Variants in CNTNAP2 observed in about 807,000 individuals in gnomAD.
The protein encoded by CNTNAP2 is contactin-associated protein-like 2.
A neutral mutation model predicts 155.2 loss-of-function variants in CNTNAP2; 98 were observed. That is an observed-to-expected ratio of 0.63 (90% CI 0.54 to 0.75). The LOEUF is 0.75. CNTNAP2 is among the 30% of genes least tolerant of loss of function. CNTNAP2 has a pLI of 0.00. For synonymous variants in CNTNAP2, 651 were observed against 631.2 expected (o/e 1.03, Z -0.47); for missense variants, 1,727 against 1,688.1 (o/e 1.02, Z -0.40).
chr7:148,346,890 G>A (rs1251100517), intron 21 of CNTNAP2, among the ~76,000 whole-genome samples: 1 of 151,706 alleles, frequency 6.6e-6, no homozygotes, highest in Admixed American at 6.6e-5. Context: ...TACAGGTTTC[G>A]GGTTTCACAG....
At chr7:148,294,821 C>CAT (rs1252694097) in intron 21 of CNTNAP2, among the ~76,000 whole-genome samples, 3 of 152,144 alleles carry the variant, frequency 2.0e-5, no homozygotes, top group Admixed American at 6.5e-5. Flanking sequence ...CAAAAATAAA[C>CAT]ATATATATAT....
At chr7:146,766,494 C>T (rs1286719711) in intron 1 of CNTNAP2, among the ~76,000 whole-genome samples, 6 of 152,022 alleles carry the variant, frequency 3.9e-5, no homozygotes, top group Non-Finnish European at 8.8e-5. Context: ...ATGATTTTAC[C>T]TGAAGTCACT....
chr7:147,516,848 C>CTTTTTTTTTTTTTTTT (rs1221666617), intron 11 of CNTNAP2, among the ~76,000 whole-genome samples: 1 of 112,620 alleles, frequency 8.9e-6, no homozygotes, highest in Non-Finnish European at 1.8e-5. Context: ...TCTTTCTTTT[C>CTTTTTTTTTTTTTTTT]TTTTTTTTTT....
intron 2 of CNTNAP2, among the ~76,000 whole-genome samples, chr7:146,788,126 G>A (rs1379486607): frequency 6.6e-6 from 1 of 152,202 alleles, no homozygotes; most frequent in Non-Finnish European, 1.5e-5. Flanking sequence ...GCAGCCCAGA[G>A]GGAGCTTGTC....
intron 21 of CNTNAP2, among the ~76,000 whole-genome samples, chr7:148,320,552 T>A (rs1797773207): frequency 6.6e-6 from 1 of 151,680 alleles, no homozygotes; most frequent in Non-Finnish European, 1.5e-5. Flanking sequence ...CCCGGCTAAT[T>A]TTTGTATTTT....
chr7:147,866,652 G>C (rs1463288883), intron 13 of CNTNAP2, among the ~76,000 whole-genome samples: 2 of 152,062 alleles, frequency 1.3e-5, no homozygotes, highest in Admixed American at 1.3e-4. Flanking sequence ...TCTTCTTTTT[G>C]AATTGCTCCC....
intron 11 of CNTNAP2, among the ~76,000 whole-genome samples, chr7:147,509,736 C>T (rs911565059): frequency 1.3e-5 from 2 of 151,884 alleles, no homozygotes; most frequent in Non-Finnish European, 2.9e-5. Context: ...TGCTTGTTTC[C>T]TTGCTTGTAA....
intron 4 of CNTNAP2, among the ~76,000 whole-genome samples, chr7:147,074,931 A>G (rs1341993022): frequency 6.6e-6 from 1 of 152,076 alleles, no homozygotes; most frequent in Non-Finnish European, 1.5e-5. Context: ...TAATTAGACA[A>G]TACATTTATA....
chr7:146,715,120 C>G (rs933899443), intron 1 of CNTNAP2, among the ~76,000 whole-genome samples: 1 of 152,094 alleles, frequency 6.6e-6, no homozygotes, highest in African/African-American at 2.4e-5. Context: ...CACCTGAGGT[C>G]ACGAGTTCGA....
chr7:148,007,729 T>C (rs1802005371), intron 15 of CNTNAP2, among the ~76,000 whole-genome samples: 1 of 152,206 alleles, frequency 6.6e-6, no homozygotes, highest in Non-Finnish European at 1.5e-5. Flanking sequence ...GCTTCCCTTG[T>C]ATCATTACTC....
intron 21 of CNTNAP2, among the ~76,000 whole-genome samples, chr7:148,351,749 A>AAAAAAAAAAAAAAAAAAAAAT: frequency 6.7e-6 from 1 of 150,266 alleles, no homozygotes; most frequent in African/African-American, 2.4e-5. Flanking sequence ...TCTCACAAAA[A>AAAAAAAAAAAAAAAAAAAAAT]AAAAAAAAAA....
chr7:146,411,814 T>TTTA (rs370214179), intron 1 of CNTNAP2, among the ~76,000 whole-genome samples: 37 of 117,074 alleles, frequency 3.2e-4, no homozygotes, highest in African/African-American at 1.9e-3. Flanking sequence ...TTTTATTTTA[T>TTTA]TTTATTTATT....
At chr7:146,437,842 C>T (rs957181887) in intron 1 of CNTNAP2, among the ~76,000 whole-genome samples, 1 of 150,354 alleles carries the variant, frequency 6.7e-6, no homozygotes, top group Non-Finnish European at 1.5e-5. Flanking sequence ...GGATTTTGGA[C>T]TAAGACACTG....
At chr7:147,116,000 TTTG>T (rs890770530) in intron 5 of CNTNAP2, among the ~76,000 whole-genome samples, 3 of 151,858 alleles carry the variant, frequency 2.0e-5, no homozygotes, top group Non-Finnish European at 4.4e-5. Flanking sequence ...TTTTGTGGGG[TTTG>T]TTGTTGTTGT....
intron 1 of CNTNAP2, among the ~76,000 whole-genome samples, chr7:146,231,919 A>T (rs1021604116): frequency 6.6e-6 from 1 of 152,230 alleles, no homozygotes; most frequent in Non-Finnish European, 1.5e-5. Context: ...GAGCTAGTTT[A>T]AAGCTAGAAT....
rs113505206 is a variant in CNTNAP2 at position 148,184,580 on chromosome 7, G to C, written c.3010+12102G>C. Among the ~76,000 whole-genome samples, 5 of 152,274 alleles carry C rather than the reference G, an allele frequency of 3.3e-5. 1 individual carries two copies. The highest frequency in any genetic ancestry group is 9.6e-5 in the African/African-American group (4 of 41,564). On this transcript the variant is annotated intron_variant, in intron 18 of 23. Transcript: ENST00000361727. ...GAATCATTTCTCAGCAATCCTCAAAGGCACCAAAATGTCCTTTCACATCTT... is the reference window on the plus strand; with the variant it reads ...GAATCATTTCTCAGCAATCCTCAAACGCACCAAAATGTCCTTTCACATCTT...
intron 3 of CNTNAP2, among the ~76,000 whole-genome samples, chr7:146,880,538 A>G (rs1356129037): frequency 6.6e-6 from 1 of 152,142 alleles, no homozygotes; most frequent in Non-Finnish European, 1.5e-5. Flanking sequence ...ACCTGAGTAG[A>G]AAATTCTACA....
intron 2 of CNTNAP2, among the ~76,000 whole-genome samples, chr7:146,801,841 AG>A (rs1445482663): frequency 6.6e-6 from 1 of 152,180 alleles, no homozygotes; most frequent in African/African-American, 2.4e-5. Flanking sequence ...AAGAGAATAG[AG>A]TGGAAAGTGA....
chr7:146,804,628 T>G (rs192565760), intron 2 of CNTNAP2, among the ~76,000 whole-genome samples: 135 of 152,342 alleles, frequency 8.9e-4, no homozygotes, highest in African/African-American at 3.1e-3. Flanking sequence ...CTTATATACA[T>G]GGCAGATATC....
Sources: allele counts gnomAD v4.1 joint callset (sites outside exome capture counted in the v4.1 genomes callset), GRCh38; gene constraint gnomAD v4.1.1; transcripts MANE v1.5; gene names NCBI Gene and HGNC (gene_info 2026-07-23, HGNC 2026-07-21).